The following HMCN2 variants were observed in gnomAD, a reference collection of about 807,000 sequenced individuals.
HMCN2 encodes the protein hemicentin-2.
HMCN2 carries 325 observed loss-of-function variants against 377.5 expected under a neutral mutation model. The observed-to-expected ratio is 0.86, with a 90% confidence interval of 0.79 to 0.94. HMCN2 has a LOEUF of 0.94. Ranked by LOEUF, HMCN2 falls within the 40% of genes least tolerant of loss-of-function variation. The pLI is 0.00. For missense variants in HMCN2, 4,543 were observed against 4,725.3 expected (o/e 0.96, Z 1.13); for synonymous variants, 2,007 against 2,046.8 (o/e 0.98, Z 0.53).
At position 130,433,772 on chromosome 9, in the gene HMCN2, C is replaced by T; in HGVS notation, c.*79C>T. On this transcript the variant is annotated 3_prime_UTR_variant, in exon 98 of 98. Transcript: ENST00000683500. ...GGAGAAGCTTGGTCCACGCCACCTGCTGTGGCAAGCGGAGCGTCATCGTCT... is the reference window on the plus strand; with the variant it reads ...GGAGAAGCTTGGTCCACGCCACCTGTTGTGGCAAGCGGAGCGTCATCGTCT... 1.7e-6 allele frequency: 2 copies of T among 1,159,936 alleles called. No individual in the cohort carries two copies. Among genetic ancestry groups the T allele is most frequent in the African/African-American group, 1.6e-5 (1 of 60,800 alleles). 71.9% of individuals were successfully genotyped at this position (1,159,936 alleles called of 1,614,324 possible).
intron 25 of HMCN2, among the ~76,000 whole-genome samples, chr9:130,345,941 G>C (rs968629402): frequency 6.6e-6 from 1 of 151,920 alleles, no homozygotes; most frequent in African/African-American, 2.4e-5. Context: ...TGTCTTCCCC[G>C]CCACCATGCT....
rs953548026 is a variant in HMCN2, at chr9:130,361,429, A to G, written c.5951-579A>G. 1.3e-5 allele frequency among the ~76,000 whole-genome samples: 2 copies of G among 152,172 alleles called. No individual in the cohort carries two copies. Among genetic ancestry groups the G allele is most frequent in the Admixed American group, 6.5e-5 (1 of 15,282 alleles). On this transcript the variant is annotated intron_variant, in intron 38 of 97. Transcript: ENST00000683500. This position sits in a 1 kb window ranked among gnomAD's most constrained non-coding sequence, Gnocchi z 4.8. ...GAGGCCACGGGGCCTGGGATTTACA[A>G]CACTGAGAAGAGGGCCAGGATGGTG... is the stretch of plus-strand genomic sequence containing the variant.
intron 52 of HMCN2, among the ~76,000 whole-genome samples, chr9:130,377,299 G>T (rs996388530): frequency 1.1e-4 from 17 of 152,080 alleles, no homozygotes; most frequent in African/African-American, 3.9e-4. Context: ...ATTTTTAGTA[G>T]AGATGGGGCT....
chr9:130,429,678 C>T lies in HMCN2; in HGVS notation c.14319C>T (p.Pro4773=). Residue 4773 remains proline, a synonymous_variant, in exon 94 of 98, where the codon CCC becomes CCT. Coordinates refer to ENST00000683500, the MANE Select transcript of HMCN2 (RefSeq NM_001291815.2). ...ACCGGATGCAGGGCCCCAGCCTGCC[C>T]TGCCTAGGTACGGGGACACCCACCC... ...RGYRMQGPSL[P]CLDVNECLQL... 8 of 1,531,316 alleles carry T rather than the reference C, an allele frequency of 5.2e-6. 1 individual carries two copies. Among genetic ancestry groups the T allele is most frequent in the Non-Finnish European group, 5.3e-6 (6 of 1,135,708 alleles). 94.9% of individuals were successfully genotyped at this position (1,531,316 alleles called of 1,614,324 possible). A position where few individuals can be genotyped will look rare whatever the true frequency, so the allele number is the denominator to read the frequency against.
At chr9:130,408,052 A>G (rs1843195379) in intron 83 of HMCN2, among the ~76,000 whole-genome samples, 1 of 152,246 alleles carries the variant, frequency 6.6e-6, no homozygotes, top group Non-Finnish European at 1.5e-5. Context: ...GCATCCTGGC[A>G]GAAAAATGCC....
chr9:130,287,026 C>T (rs1479830497), intron 4 of HMCN2, among the ~76,000 whole-genome samples: 1 of 152,172 alleles, frequency 6.6e-6, no homozygotes, highest in East Asian at 1.9e-4. Flanking sequence ...ACAACGCTCT[C>T]TCTGGAAAGG....
chr9:130,273,832 G>T (rs992072513), intron 1 of HMCN2, among the ~76,000 whole-genome samples: 76 of 152,224 alleles, frequency 5.0e-4, no homozygotes, highest in African/African-American at 1.8e-3. Context: ...ACCACTCATT[G>T]TATGATATTG....
chr9:130,371,279 C>A, intron 46 of HMCN2, 148 bp downstream of exon 46: 1 of 293,196 alleles, frequency 3.4e-6, no homozygotes, highest in Non-Finnish European at 5.1e-6. Flanking sequence ...AAGAATGCAG[C>A]CCAAAACACT....
In HMCN2 at chr9:130,391,487, C is replaced by G. The variant is rs1842320576; in HGVS notation, c.9865C>G (p.Leu3289Val). Residue 3289 changes from leucine (L) to valine (V), a missense_variant, in exon 65 of 98, where the codon CTG becomes GTG. Around this residue, in one of 5 missense-constraint regions of HMCN2, gnomAD observed 1,073 missense variants for 1,319.5 expected, o/e 0.81. Coordinates refer to ENST00000683500, the MANE Select transcript of HMCN2 (RefSeq NM_001291815.2). Reference sequence around the variant, plus strand: ...CGGCGGCTCCCTGGTGCTAAAAGGCCTGAGGGCCTCGGACGCGGGTGCCTA... The same window carrying G: ...CGGCGGCTCCCTGGTGCTAAAAGGCGTGAGGGCCTCGGACGCGGGTGCCTA... ...LDGGSLVLKG[L>V]RASDAGAYTC... 1.0e-6 allele frequency: 1 copy of G among 987,892 alleles called. No individual in the cohort carries two copies. The highest frequency in any genetic ancestry group is 1.2e-6 in the Non-Finnish European group (1 of 830,182). 61.2% of individuals were successfully genotyped at this position (987,892 alleles called of 1,614,324 possible).
chr9:130,269,731 T>C (rs1341187884), intron 1 of HMCN2, among the ~76,000 whole-genome samples: 2 of 148,746 alleles, frequency 1.3e-5, no homozygotes, highest in Non-Finnish European at 3.0e-5. Flanking sequence ...AATTTTTTCA[T>C]GGGAGTTTTA....
intron 4 of HMCN2, among the ~76,000 whole-genome samples, chr9:130,288,098 C>T (rs1224330183): frequency 6.6e-6 from 1 of 152,190 alleles, no homozygotes; most frequent in Non-Finnish European, 1.5e-5. Context: ...GTTCTTGCTC[C>T]TGGGGAGAAC....
intron 85 of HMCN2, 110 bp downstream of exon 85, chr9:130,410,762 T>G: frequency 1.1e-6 from 1 of 872,752 alleles, no homozygotes; most frequent in African/African-American, 1.7e-5. Context: ...AATTCTTTCA[T>G]TAATACTTAC....
At chr9:130,374,833 T>G (rs1490487896) in intron 49 of HMCN2, 140 bp downstream of exon 49, 1 of 236,908 alleles carries the variant, frequency 4.2e-6, no homozygotes, top group Non-Finnish European at 6.9e-6. Flanking sequence ...AAAAATCATA[T>G]AGCGACTCTA....
rs1452542291 is a variant in HMCN2 at position 130,403,337 on chromosome 9, C to G, written c.12013+9C>G. The G allele has an allele frequency of 1.8e-5, 23 of 1,289,610 alleles. No individual in the cohort carries two copies. The highest frequency in any genetic ancestry group is 2.3e-5 in the Non-Finnish European group (23 of 988,804). 79.9% of individuals were successfully genotyped at this position (1,289,610 alleles called of 1,614,324 possible). ...GCTCAACGTCGCTACTGGTGAGGGC[C>G]CCTGGCAGCCAGCCTGGGAAGGGAA... is the stretch of plus-strand genomic sequence containing the variant. On this transcript the variant is annotated intron_variant, in intron 79 of 97. Coordinates refer to ENST00000683500, the MANE Select transcript of HMCN2 (RefSeq NM_001291815.2).
At chr9:130,350,401 A>G (rs1207900589) in intron 29 of HMCN2, among the ~76,000 whole-genome samples, 1 of 148,676 alleles carries the variant, frequency 6.7e-6, no homozygotes, top group Admixed American at 6.7e-5. Context: ...AAAAAAAAAA[A>G]AAAGAAATAG....
chr9:130,384,314 G>A (rs1300424405), intron 57 of HMCN2, 59 bp from the exon 58 acceptor site: 13 of 1,237,694 alleles, frequency 1.1e-5, no homozygotes, highest in Non-Finnish European at 1.2e-5. Context: ...CTTGGGCTCT[G>A]TGCTCCCCTG....
rs562403046 is a variant in HMCN2, at chr9:130,356,064, C to G, written c.5256-24C>G. On this transcript the variant is annotated intron_variant, in intron 33 of 97. Transcript: ENST00000683500. ...GGCCTTCCCTGGTCTCAGGTTGACACGCCCCCCTCCCTACTCACCTTAGGT... is the reference window on the plus strand; with the variant it reads ...GGCCTTCCCTGGTCTCAGGTTGACAGGCCCCCCTCCCTACTCACCTTAGGT... The G allele has an allele frequency of 1.5e-5, 18 of 1,210,514 alleles. No homozygotes were observed. The East Asian group carries it at 1.0e-3, about 70-fold the overall frequency. The allele number at this position is 1,210,514 out of a possible 1,614,324, so 75.0% of individuals were successfully genotyped here. A position where few individuals can be genotyped will look rare whatever the true frequency, so the allele number is the denominator to read the frequency against.
Position 130,424,478 on chromosome 9 carries a change from G to A in HMCN2, c.13382-298G>A, listed in dbSNP as rs570176582. On this transcript the variant is annotated intron_variant, in intron 87 of 97. Transcript: ENST00000683500. The stretch of plus-strand genomic sequence containing the variant: ...TGGGATTACAGGCATGAGCCACCGC[G>A]CCCGGCCTGTCCTTAATATTTTTAT... Among the ~76,000 whole-genome samples, 231 of 152,096 alleles carry A rather than the reference G, an allele frequency of 1.5e-3. 2 individuals are homozygous for A. The highest frequency in any genetic ancestry group is 0.01 in the Middle Eastern group (3 of 294).
In HMCN2 at chr9:130,348,965, T is replaced by C. The variant is rs1270031871; in HGVS notation, c.4156-19T>C. ...GCTGGATCCCCTCTTACTGGCTCCCTCTGGCCTCTCCTACCCAGATTCCTA... is the reference window on the plus strand; with the variant it reads ...GCTGGATCCCCTCTTACTGGCTCCCCCTGGCCTCTCCTACCCAGATTCCTA... On this transcript the variant is annotated intron_variant, in intron 27 of 97. Transcript: ENST00000683500. 2 of 1,302,236 alleles carry C rather than the reference T, an allele frequency of 1.5e-6. No homozygotes were observed. The highest frequency in any genetic ancestry group is 3.0e-5 in the African/African-American group (2 of 65,818). 80.7% of individuals were successfully genotyped at this position (1,302,236 alleles called of 1,614,324 possible).
Sources: gnomAD v4.1 joint callset for allele counts (sites outside exome capture counted in the v4.1 genomes callset) on GRCh38, gnomAD v4.1.1 for gene constraint, gnomAD v4.1.1 regional missense constraint, Gnocchi (gnomAD v3.1) non-coding constraint, MANE v1.5 for transcripts, NCBI Gene and HGNC (gene_info 2026-07-23, HGNC 2026-07-21) for gene names.